SLC13A4: variants seen among roughly 807,000 people sequenced by gnomAD.
SLC13A4 encodes the protein solute carrier family 13 member 4, also known as Na(+)/sulfate cotransporter SUT-1.
SLC13A4 carries 28 observed loss-of-function variants against 72.7 expected under a neutral mutation model. The observed-to-expected ratio is 0.39, with a 90% CI of 0.29 to 0.53. The LOEUF (loss-of-function observed/expected upper bound fraction) is 0.53. SLC13A4 is among the 20% of genes least tolerant of loss of function. The pLI is 0.78. For synonymous variants in SLC13A4, 312 were observed against 325.5 expected (o/e 0.96, Z 0.45); for missense variants, 653 against 788.0 (o/e 0.83, Z 2.05).
At chr7:135,699,881 T>C (rs1795992203) in intron 7 of SLC13A4, among the ~76,000 whole-genome samples, 2 of 152,180 alleles carry the variant, frequency 1.3e-5, no homozygotes. Flanking sequence ...CATGGGTTTT[T>C]ATTTGAACTC....
At chr7:135,690,180 CAAAAAAAAAAAAA>C (rs57390577) in intron 13 of SLC13A4, among the ~76,000 whole-genome samples, 5 of 29,610 alleles carry the variant, frequency 1.7e-4, no homozygotes, top group Non-Finnish European at 2.2e-4. Flanking sequence ...GACTCTGTCT[CAAAAAAAAAAAAA>C]AAAAAAAAAA....
intron 9 of SLC13A4, 37 bp downstream of exon 9, chr7:135,695,331 G>A (rs956282531): frequency 6.2e-6 from 10 of 1,612,126 alleles, no homozygotes; most frequent in Middle Eastern, 1.8e-4. Context: ...TCAACAGGGG[G>A]GCTTCAGTGC....
At chr7:135,713,918 C>A (rs1382903703) in intron 2 of SLC13A4, among the ~76,000 whole-genome samples, 1 of 152,214 alleles carries the variant, frequency 6.6e-6, no homozygotes, top group Non-Finnish European at 1.5e-5. Flanking sequence ...ACCCTGGGAG[C>A]AGATACCTGG....
Position 135,694,246 on chromosome 7 carries a change from G to C in SLC13A4, c.1020-8C>G, listed in dbSNP as rs1208549103. 4 of 1,524,114 alleles carry C rather than the reference G, an allele frequency of 2.6e-6. No homozygotes were observed. Among genetic ancestry groups the C allele is most frequent in the Middle Eastern group, 3.4e-4 (2 of 5,870 alleles). The allele number at this position is 1,524,114 out of a possible 1,614,324, so 94.4% of individuals were successfully genotyped here. On this transcript the variant is annotated splice_polypyrimidine_tract_variant and splice_region_variant and intron_variant, in intron 9 of 15. Transcript: ENST00000682651. ...GAGCAGGTCTCTTTAAAACTGAGAA[G>C]GGAGAATGAGCAAATGATTAAAGAA...
chr7:135,708,987 T>C (rs1280360867), intron 2 of SLC13A4, among the ~76,000 whole-genome samples: 2 of 134,264 alleles, frequency 1.5e-5, no homozygotes, highest in African/African-American at 5.7e-5. Context: ...TGGAGTGCAG[T>C]GGTGCGATCT....
intron 8 of SLC13A4, among the ~76,000 whole-genome samples, chr7:135,698,340 T>G (rs1795951510): frequency 7.6e-6 from 1 of 130,732 alleles, no homozygotes; most frequent in Non-Finnish European, 1.6e-5. Context: ...GACTCTTTTT[T>G]TTTTTTTTTT....
intron 2 of SLC13A4, among the ~76,000 whole-genome samples, chr7:135,716,937 A>G (rs545448442): frequency 6.6e-6 from 1 of 152,318 alleles, no homozygotes; most frequent in East Asian, 1.9e-4. Context: ...GTACTTAGCT[A>G]AAAGCCAAGG....
At chr7:135,681,725 C>T in intron 15 of SLC13A4, 25 bp from the exon 16 acceptor site, 1 of 1,606,882 alleles carries the variant, frequency 6.2e-7, no homozygotes, top group Non-Finnish European at 8.5e-7. Flanking sequence ...CCAGCACACC[C>T]TAGTCACTCT....
intron 1 of SLC13A4, among the ~76,000 whole-genome samples, chr7:135,724,684 C>T (rs1796617497): frequency 6.6e-6 from 1 of 152,166 alleles, no homozygotes; most frequent in Non-Finnish European, 1.5e-5. Flanking sequence ...AGGCCACCTT[C>T]ACCCAGCTGT....
At chr7:135,709,828 T>G (rs1163537798) in intron 2 of SLC13A4, among the ~76,000 whole-genome samples, 1 of 152,214 alleles carries the variant, frequency 6.6e-6, no homozygotes, top group Non-Finnish European at 1.5e-5. Context: ...TGGGCACCAT[T>G]AATTCCGCAC....
Position 135,721,502 on chromosome 7 carries a change from G to A in SLC13A4, c.121C>T (p.Leu41=). ...ACCCAGTACACAGCAGTCACGATCA[G>A]CACGTAAGCACACGAGGCCTCCTGC... is the stretch of plus-strand genomic sequence containing the variant. ...PSSEASCAYV[L]IVTAVYWVSE... The change falls in exon 2 of 16, where the codon CTG becomes TTG. Residue 41 remains leucine (L), a synonymous_variant. Coordinates refer to ENST00000682651, the MANE Select transcript of SLC13A4 (RefSeq NM_001318192.2). 1 of 1,614,056 alleles carries A rather than the reference G, an allele frequency of 6.2e-7. No individual in the cohort carries two copies. Among genetic ancestry groups the A allele is most frequent in the Admixed American group, 1.7e-5 (1 of 60,020 alleles).
At chr7:135,710,583 AG>A (rs35052992) in intron 2 of SLC13A4, among the ~76,000 whole-genome samples, 3 of 141,736 alleles carry the variant, frequency 2.1e-5, no homozygotes, top group Admixed American at 7.0e-5. Flanking sequence ...GGGACTTGGT[AG>A]GGGGGGAAGT....
chr7:135,721,626 C>A, intron 1 of SLC13A4, 103 bp from the exon 2 acceptor site: 1 of 1,463,022 alleles, frequency 6.8e-7, no homozygotes, highest in Non-Finnish European at 9.3e-7. Context: ...GACTGTAACG[C>A]GGGTACTAGG....
Position 135,691,208 on chromosome 7 carries a change from C to T in SLC13A4, c.1439G>A (p.Gly480Asp). The T allele has an allele frequency of 1.3e-6, 2 of 1,590,656 alleles. No individual in the cohort carries two copies. The highest frequency in any genetic ancestry group is 1.7e-6 in the Non-Finnish European group (2 of 1,173,204). Residue 480 changes from glycine (G) to aspartate (D), a missense_variant, in exon 13 of 16, where the codon GGT becomes GAT. By Grantham distance (94) the Gly-to-Asp change is moderately conservative (BLOSUM62 -1). Transcript: ENST00000682651. Reference protein sequence around the residue: ...LVGGGYALASGSKSSGLSTWI... With the variant: ...LVGGGYALASDSKSSGLSTWI... ...ACAGAATTCAAGAATTACCTTGCTA[C>T]CAGAAGCCAGAGCATAGCCTCCCCC...
rs560349874 is a variant in SLC13A4, at chr7:135,704,877, G to T, written c.593+719C>A. 1.6e-4 allele frequency: 24 copies of T among 152,384 alleles called. 1 individual carries two copies. Among genetic ancestry groups the T allele is most frequent in the African/African-American group, 5.0e-4 (21 of 41,588 alleles). The allele number at this position is 152,384 out of a possible 1,614,324, so 9.4% of individuals were successfully genotyped here. On this transcript the variant is annotated intron_variant, in intron 5 of 15. Coordinates refer to ENST00000682651, the MANE Select transcript of SLC13A4 (RefSeq NM_001318192.2). ...ACTGTGAACGCTGATTTCACCCAAT[G>T]TGCGTTCTCCTTTTTTACAACAAGG...
chr7:135,691,730 C>T lies in SLC13A4; in HGVS notation c.1224-85G>A, dbSNP rs368713430. On this transcript the variant is annotated intron_variant, in intron 11 of 15. Transcript: ENST00000682651. ...TGTCTCGGAGCAGTCTGTCCGAACA[C>T]AGTGCCTCTTTTTAGGACTTATCTA... 4.1e-3 allele frequency: 3,741 copies of T among 906,462 alleles called. 135 individuals are homozygous for T. In the South Asian group the frequency reaches 0.053, roughly 13 times the overall value. The allele number at this position is 906,462 out of a possible 1,614,324, so 56.2% of individuals were successfully genotyped here. A position where few individuals can be genotyped will look rare whatever the true frequency, so the allele number is the denominator to read the frequency against.
At chr7:135,696,788 C>T (rs944802597) in intron 8 of SLC13A4, among the ~76,000 whole-genome samples, 2 of 152,216 alleles carry the variant, frequency 1.3e-5, no homozygotes, top group Non-Finnish European at 2.9e-5. Flanking sequence ...GTCCTCTTGC[C>T]TACATCACCA....
chr7:135,692,271 TG>T, intron 11 of SLC13A4, 51 bp downstream of exon 11: 1 of 1,303,434 alleles, frequency 7.7e-7, no homozygotes, highest in Non-Finnish European at 1.1e-6. Flanking sequence ...AAGTCTTGCC[TG>T]AAGAATTGGG....
chr7:135,704,452 C>G (rs944721957), intron 5 of SLC13A4: 1 of 152,302 alleles, frequency 6.6e-6, no homozygotes, highest in African/African-American at 2.4e-5. Flanking sequence ...TTCCTGTACC[C>G]TAGAGCTGCT....
Sources: gnomAD v4.1 joint callset for allele counts (sites outside exome capture counted in the v4.1 genomes callset) on GRCh38, gnomAD v4.1.1 for gene constraint, MANE v1.5 for transcripts, NCBI Gene and HGNC (gene_info 2026-07-23, HGNC 2026-07-21) for gene names.